AGBL1: variants seen among roughly 807,000 people sequenced by gnomAD.
The protein encoded by AGBL1 is cytosolic carboxypeptidase 4.
AGBL1 carries 130 observed loss-of-function variants against 118.9 expected under a neutral mutation model. The observed-to-expected ratio is 1.09, with a 90% CI of 0.95 to 1.26. AGBL1 has a LOEUF of 1.26. Ranked by LOEUF, AGBL1 falls within the 50% of genes most tolerant of loss-of-function variation. The pLI, the probability that AGBL1 is intolerant of heterozygous loss-of-function variation, is 0.00. For synonymous variants in AGBL1, 555 were observed against 478.9 expected, an observed-to-expected ratio of 1.16 and a Z score of -2.08; for missense variants, 1,584 against 1,298.1, an observed-to-expected ratio of 1.22 and a Z score of -3.38.
intron 22 of AGBL1, among the ~76,000 whole-genome samples, chr15:86,764,715 G>T (rs1444242451): frequency 6.6e-6 from 1 of 151,990 alleles, no homozygotes; most frequent in African/African-American, 2.4e-5. Flanking sequence ...AGCCCACTTT[G>T]CCTCAGATGC....
chr15:86,534,387 A>T (rs1335346104), intron 19 of AGBL1, among the ~76,000 whole-genome samples: 1 of 152,216 alleles, frequency 6.6e-6, no homozygotes, highest in Non-Finnish European at 1.5e-5. Flanking sequence ...AGGCTGAGAA[A>T]TATTCTTTCC....
chr15:86,501,122 T>G (rs1264538224), intron 18 of AGBL1, among the ~76,000 whole-genome samples: 1 of 151,420 alleles, frequency 6.6e-6, no homozygotes, highest in African/African-American at 2.4e-5. Context: ...ACTTTATATT[T>G]CACCAGCAAT....
At chr15:86,414,516 G>A (rs945589561) in intron 18 of AGBL1, among the ~76,000 whole-genome samples, 1 of 152,152 alleles carries the variant, frequency 6.6e-6, no homozygotes, top group African/African-American at 2.4e-5. Context: ...TCTGCAGGAC[G>A]CTAGCAGATT....
chr15:86,931,966 G>C (rs2080612190), intron 23 of AGBL1, among the ~76,000 whole-genome samples: 1 of 152,226 alleles, frequency 6.6e-6, no homozygotes, highest in Non-Finnish European at 1.5e-5. Flanking sequence ...ATGCCTACTT[G>C]TGGTTCTGTT....
chr15:86,897,534 CT>C (rs1169996333), intron 22 of AGBL1, among the ~76,000 whole-genome samples: 1 of 151,956 alleles, frequency 6.6e-6, no homozygotes, highest in Non-Finnish European at 1.5e-5. Flanking sequence ...ACTTTCTCCC[CT>C]ACATTGGTTT....
chr15:86,763,810 A>G (rs1567162543), intron 22 of AGBL1, among the ~76,000 whole-genome samples: 1 of 151,986 alleles, frequency 6.6e-6, no homozygotes, highest in Non-Finnish European at 1.5e-5. Flanking sequence ...TTTGATTCTA[A>G]CTCAAACAGT....
chr15:86,195,684 T>C (rs1353806593), intron 5 of AGBL1, among the ~76,000 whole-genome samples: 2 of 152,170 alleles, frequency 1.3e-5, no homozygotes, highest in Non-Finnish European at 2.9e-5. Flanking sequence ...CCAATAAATG[T>C]CCATATAGCA....
chr15:86,749,457 C>G (rs1488242538), intron 22 of AGBL1, among the ~76,000 whole-genome samples: 2 of 152,130 alleles, frequency 1.3e-5, no homozygotes, highest in East Asian at 1.9e-4. Flanking sequence ...CATCTGCAAA[C>G]AGGGGCAATT....
At chr15:86,099,464 T>G (rs984804962) in intron 1 of AGBL1, among the ~76,000 whole-genome samples, 1 of 152,148 alleles carries the variant, frequency 6.6e-6, no homozygotes, top group Non-Finnish European at 1.5e-5. Flanking sequence ...TGGTGGAGTT[T>G]TTTGGCTTTT....
intron 22 of AGBL1, among the ~76,000 whole-genome samples, chr15:86,712,262 G>T (rs907363409): frequency 9.9e-5 from 15 of 152,036 alleles, no homozygotes; most frequent in African/African-American, 2.9e-4. Context: ...TAATAAAGAT[G>T]TCCCAGCCTC....
intron 22 of AGBL1, among the ~76,000 whole-genome samples, chr15:86,773,815 G>A (rs776956828): frequency 8.6e-5 from 13 of 151,900 alleles, no homozygotes; most frequent in Non-Finnish European, 1.8e-4. Flanking sequence ...AGGTGTGTAT[G>A]GAAAAGAATC....
At chr15:86,701,670 CT>C (rs1235502149) in intron 22 of AGBL1, among the ~76,000 whole-genome samples, 1 of 134,702 alleles carries the variant, frequency 7.4e-6, no homozygotes, top group African/African-American at 2.7e-5. Flanking sequence ...CATTTTTTCC[CT>C]CCCCTTCCTT....
intron 21 of AGBL1, among the ~76,000 whole-genome samples, chr15:86,644,292 G>A (rs1389651755): frequency 6.6e-6 from 1 of 152,042 alleles, no homozygotes; most frequent in African/African-American, 2.4e-5. Flanking sequence ...GAGTACTTGG[G>A]GAGGCTGAGG....
chr15:86,358,138 C>T (rs894720917), intron 17 of AGBL1, among the ~76,000 whole-genome samples: 47 of 151,964 alleles, frequency 3.1e-4, no homozygotes, highest in Non-Finnish European at 3.5e-4. Context: ...AGAATTTATT[C>T]ATCTCTCTTA....
intron 22 of AGBL1, among the ~76,000 whole-genome samples, chr15:86,680,411 T>C (rs745855778): frequency 1.3e-4 from 20 of 152,206 alleles, no homozygotes; most frequent in Non-Finnish European, 2.2e-4. Context: ...CTACTTTCCC[T>C]GCCTAGAGAT....
chr15:86,316,270 T>G (rs963641779), intron 17 of AGBL1, among the ~76,000 whole-genome samples: 4 of 152,214 alleles, frequency 2.6e-5, no homozygotes, highest in Non-Finnish European at 4.4e-5. Context: ...CAACTCATCT[T>G]GGAGTGAAAG....
intron 22 of AGBL1, among the ~76,000 whole-genome samples, chr15:86,861,064 G>C (rs990763942): frequency 1.3e-5 from 2 of 152,042 alleles, no homozygotes; most frequent in African/African-American, 4.8e-5. Context: ...GATTTCATTG[G>C]GTGGATGGAA....
chr15:86,998,768 A>G (rs1006914210), intron 24 of AGBL1, among the ~76,000 whole-genome samples: 3 of 152,154 alleles, frequency 2.0e-5, no homozygotes, highest in Admixed American at 1.3e-4. Flanking sequence ...CAAATTGCAC[A>G]GATGCAGAAA....
intron 22 of AGBL1, among the ~76,000 whole-genome samples, chr15:86,902,944 T>A (rs550569400): frequency 6.6e-6 from 1 of 152,354 alleles, no homozygotes; most frequent in African/African-American, 2.4e-5. Flanking sequence ...TGTAGGTTTA[T>A]GTCCTTTGCA....
Sources: allele counts gnomAD v4.1 joint callset (sites outside exome capture counted in the v4.1 genomes callset), GRCh38; gene constraint gnomAD v4.1.1; transcripts MANE v1.5; gene names NCBI Gene and HGNC (gene_info 2026-07-23, HGNC 2026-07-21).